The following RUNX1 variants were observed in gnomAD, a reference collection of about 807,000 sequenced individuals.
RUNX1 encodes runt-related transcription factor 1.
RUNX1 carries 19 observed loss-of-function variants against 42.8 expected under a neutral mutation model. The observed-to-expected ratio is 0.44, with a 90% CI of 0.31 to 0.65. The LOEUF is 0.65. Ranked by LOEUF, RUNX1 falls within the 30% of genes least tolerant of loss-of-function variation. RUNX1 has a pLI of 0.07. For missense variants in RUNX1, 528 were observed against 672.0 expected (o/e 0.79, Z 2.37); for synonymous variants, 271 against 289.4 (o/e 0.94, Z 0.64).
chr21:34,905,413 G>A (rs2058210422), intron 2 of RUNX1, among the ~76,000 whole-genome samples: 1 of 152,114 alleles, frequency 6.6e-6, no homozygotes, highest in African/African-American at 2.4e-5. Flanking sequence ...TCCGTTACTG[G>A]GAATGAGAAG....
In RUNX1 at chr21:34,901,902, T is replaced by C. The variant is rs1053743177; in HGVS notation, c.59-8939A>G. Among the ~76,000 whole-genome samples the C allele has an allele frequency of 7.2e-5, 11 of 152,224 alleles. No homozygotes were observed. Among genetic ancestry groups the C allele is most frequent in the Non-Finnish European group, 1.2e-4 (8 of 68,048 alleles). On this transcript the variant is annotated intron_variant, in intron 2 of 8. Transcript: ENST00000675419. This position sits in a 1 kb window ranked among gnomAD's most constrained non-coding sequence, Gnocchi z 4.3. ...ACTAGTAAGATTTTCTGGTGGATGA[T>C]AGATGCAGAGTCTATAAAGTTGCTA...
At chr21:34,982,962 A>G (rs2058858632) in intron 2 of RUNX1, among the ~76,000 whole-genome samples, 1 of 152,240 alleles carries the variant, frequency 6.6e-6, no homozygotes, top group South Asian at 2.1e-4. Context: ...TTTGAAGCCT[A>G]GTTGGTCTGT....
chr21:34,999,058 T>C (rs188438377), intron 2 of RUNX1, among the ~76,000 whole-genome samples: 2 of 152,196 alleles, frequency 1.3e-5, no homozygotes, highest in East Asian at 3.9e-4. Flanking sequence ...AATAGGTGAG[T>C]TGTGCTGGCC....
Position 34,907,453 on chromosome 21 carries a change from T to A in RUNX1, c.59-14490A>T, listed in dbSNP as rs955922531. Among the ~76,000 whole-genome samples, 167 of 151,914 alleles carry A rather than the reference T, an allele frequency of 1.1e-3. No individual in the cohort carries two copies. The highest frequency in any genetic ancestry group is 4.0e-3 in the African/African-American group (163 of 41,204). On this transcript the variant is annotated intron_variant, in intron 2 of 8. Coordinates refer to ENST00000675419, the MANE Select transcript of RUNX1 (RefSeq NM_001754.5). This position sits in a 1 kb window ranked among gnomAD's most constrained non-coding sequence, Gnocchi z 5.3. ...AAGGGTGAATACTGCTTCCTGAAGC[T>A]CTTTTTTTGATTGATGTATCTCCCC...
intron 2 of RUNX1, among the ~76,000 whole-genome samples, chr21:34,972,060 G>A (rs1385686565): frequency 3.9e-5 from 6 of 152,074 alleles, no homozygotes; most frequent in African/African-American, 1.4e-4. Flanking sequence ...AGTTTACATG[G>A]CATTTTTATA....
At chr21:34,842,061 T>C (rs956938267) in intron 6 of RUNX1, among the ~76,000 whole-genome samples, 1 of 152,184 alleles carries the variant, frequency 6.6e-6, no homozygotes, top group Non-Finnish European at 1.5e-5. Flanking sequence ...CCAATCACCC[T>C]CCACTAGGTT....
chr21:35,044,445 C>T (rs554518304), intron 2 of RUNX1, among the ~76,000 whole-genome samples: 16 of 152,306 alleles, frequency 1.1e-4, no homozygotes, highest in African/African-American at 3.4e-4. Context: ...GGGCAAAGCA[C>T]CTTACACAGA....
At chr21:35,036,089 G>A (rs1163094786) in intron 2 of RUNX1, among the ~76,000 whole-genome samples, 1 of 152,068 alleles carries the variant, frequency 6.6e-6, no homozygotes, top group Non-Finnish European at 1.5e-5. Flanking sequence ...GAGGGAGCAG[G>A]GAGCAGGTGG....
chr21:34,799,251 G>A (rs1262876246), intron 8 of RUNX1, 50 bp downstream of exon 8: 1 of 1,604,824 alleles, frequency 6.2e-7, no homozygotes, highest in African/African-American at 1.3e-5. Flanking sequence ...TAGTCTCCTG[G>A]ACCTTCCACC....
chr21:34,963,469 C>T (rs1389168837), intron 2 of RUNX1, among the ~76,000 whole-genome samples: 1 of 152,162 alleles, frequency 6.6e-6, no homozygotes, highest in Non-Finnish European at 1.5e-5. Flanking sequence ...CTGAGCAGCT[C>T]AGTATTGGTC....
At chr21:34,964,487 CAAAA>C (rs58388110) in intron 2 of RUNX1, among the ~76,000 whole-genome samples, 5 of 119,326 alleles carry the variant, frequency 4.2e-5, no homozygotes, top group Admixed American at 8.4e-5. Flanking sequence ...GACTCCATCT[CAAAA>C]AAAAAAAAAA....
rs372412304 is a variant in RUNX1 at position 34,930,270 on chromosome 21, G to GTGTGTGTA, written c.59-37308_59-37307insTACACACA. On this transcript the variant is annotated intron_variant, in intron 2 of 8. Coordinates refer to ENST00000675419, the MANE Select transcript of RUNX1 (RefSeq NM_001754.5). ...ATGTATATTATACGTGTGTGTGTAT[G>GTGTGTGTA]TATATATATATATATATATATAAAT... Among the ~76,000 whole-genome samples the GTGTGTGTA allele has an allele frequency of 1.2e-3, 145 of 122,966 alleles. 3 individuals carry two copies. The highest frequency in any genetic ancestry group is 4.8e-3 in the African/African-American group (127 of 26,620). The allele number at this position is 122,966 out of a possible 152,430, so 80.7% of individuals were successfully genotyped here.
intron 7 of RUNX1, chr21:34,821,431 G>A: frequency 7.5e-7 from 1 of 1,336,210 alleles, no homozygotes; most frequent in Admixed American, 3.0e-5. Flanking sequence ...AGTGATTTCT[G>A]CAGGCTAACT....
chr21:34,884,905 T>C (rs2057958478), intron 4 of RUNX1, among the ~76,000 whole-genome samples: 1 of 152,200 alleles, frequency 6.6e-6, no homozygotes, highest in Non-Finnish European at 1.5e-5. Context: ...ATTAATTGTT[T>C]TTAAGTGAAT....
At chr21:34,865,992 C>G (rs372745915) in intron 5 of RUNX1, among the ~76,000 whole-genome samples, 3 of 152,192 alleles carry the variant, frequency 2.0e-5, no homozygotes, top group Non-Finnish European at 4.4e-5. Context: ...TGTTGTGACT[C>G]GGCCTCCTCA....
chr21:34,918,798 G>T (rs1386433426), intron 2 of RUNX1, among the ~76,000 whole-genome samples: 1 of 152,042 alleles, frequency 6.6e-6, no homozygotes, highest in Admixed American at 6.6e-5. Context: ...CCCAGCTACT[G>T]GGGAGGCTGA....
rs1353655799 is a variant in RUNX1 at position 34,908,175 on chromosome 21, C to G, written c.59-15212G>C. On this transcript the variant is annotated intron_variant, in intron 2 of 8. Coordinates refer to ENST00000675419, the MANE Select transcript of RUNX1 (RefSeq NM_001754.5). ...TGATTGCAATCACATAAATTAAACT[C>G]CAGCCCCAAAAAAGTCATTCGAACA... is the stretch of plus-strand genomic sequence containing the variant. Among the ~76,000 whole-genome samples, 40 of 152,156 alleles carry G rather than the reference C, an allele frequency of 2.6e-4. 1 individual carries two copies. Among genetic ancestry groups the G allele is most frequent in the Non-Finnish European group, 1.5e-5 (1 of 68,026 alleles).
At chr21:34,994,814 T>C (rs1209529940) in intron 2 of RUNX1, among the ~76,000 whole-genome samples, 1 of 152,228 alleles carries the variant, frequency 6.6e-6, no homozygotes, top group Non-Finnish European at 1.5e-5. Context: ...TCAATAGATA[T>C]AGACTGACCT....
Position 34,960,902 on chromosome 21 carries a change from C to G in RUNX1, c.59-67939G>C, listed in dbSNP as rs573276534. 2.0e-5 allele frequency among the ~76,000 whole-genome samples: 3 copies of G among 152,240 alleles called. No individual in the cohort carries two copies. The East Asian group carries it at 5.8e-4, about 29-fold the overall frequency. On this transcript the variant is annotated intron_variant, in intron 2 of 8. Transcript: ENST00000675419. ...AGATTAGGAGGAGTCTGCTGGGGAG[C>G]TGCCTGCAAAGGTCCCCTCTTATTC...
Sources: allele counts gnomAD v4.1 joint callset (sites outside exome capture counted in the v4.1 genomes callset), GRCh38; gene constraint gnomAD v4.1.1; non-coding constraint Gnocchi (gnomAD v3.1); transcripts MANE v1.5; gene names NCBI Gene and HGNC (gene_info 2026-07-23, HGNC 2026-07-21).